Variants in PLCXD3 observed in about 807,000 individuals in gnomAD.
PLCXD3 encodes PI-PLC X domain-containing protein 3.
In PLCXD3, 19 loss-of-function variants were observed where a neutral mutation model predicts 25.5. That is an observed-to-expected ratio of 0.75 (90% CI 0.52 to 1.09). The LOEUF is 1.09. Among genes scored for constraint, PLCXD3 ranks in the 50% least tolerant of loss-of-function variants. The pLI, the probability that PLCXD3 is intolerant of heterozygous loss-of-function variation, is 0.00. For missense variants in PLCXD3, 411 were observed against 388.1 expected (o/e 1.06, Z -0.50); for synonymous variants, 174 against 137.6 (o/e 1.26, Z -1.85).
At chr5:41,487,344 A>G (rs1005393987) in intron 1 of PLCXD3, among the ~76,000 whole-genome samples, 2 of 152,164 alleles carry the variant, frequency 1.3e-5, no homozygotes, top group Non-Finnish European at 2.9e-5. Flanking sequence ...AGCTCACTTG[A>G]CTACTCTTTT....
At chr5:41,506,953 T>G (rs533486376) in intron 1 of PLCXD3, among the ~76,000 whole-genome samples, 12 of 149,914 alleles carry the variant, frequency 8.0e-5, no homozygotes, top group Non-Finnish European at 7.4e-5. Flanking sequence ...TTTGCTACAC[T>G]ATATGAAAAA....
chr5:41,392,340 G>GGA lies in PLCXD3; in HGVS notation c.104-9808_104-9807dup, dbSNP rs567122367. Among the ~76,000 whole-genome samples the GGA allele has an allele frequency of 7.3e-3, 1,095 of 150,368 alleles. 15 individuals are homozygous for GGA. Among genetic ancestry groups the GGA allele is most frequent in the African/African-American group, 0.026 (1,057 of 41,240 alleles). ...TAGGTGGCTCAGAACAGAGAGAGAG[G>GGA]GAGAGAGAGAGAGAAAGAGAGAGAG... On this transcript the variant is annotated intron_variant, in intron 1 of 2. Transcript: ENST00000377801.
At chr5:41,320,113 A>G (rs1311500236) in intron 2 of PLCXD3, among the ~76,000 whole-genome samples, 1 of 152,176 alleles carries the variant, frequency 6.6e-6, no homozygotes, top group African/African-American at 2.4e-5. Flanking sequence ...AAGCCATAAT[A>G]AAAAGTCTCC....
intron 2 of PLCXD3, among the ~76,000 whole-genome samples, chr5:41,371,066 C>A (rs1008825091): frequency 6.6e-6 from 1 of 152,056 alleles, no homozygotes; most frequent in Admixed American, 6.6e-5. Context: ...GAAGAGTTTG[C>A]ATTTTCAGTA....
At chr5:41,440,215 ATTTTTTTTTTTTTTT>A (rs70988846) in intron 1 of PLCXD3, among the ~76,000 whole-genome samples, 21 of 41,078 alleles carry the variant, frequency 5.1e-4, no homozygotes, top group South Asian at 4.2e-3. Flanking sequence ...TAATCTCTCA[ATTTTTTTTTTTTTTT>A]TTTTTTTTTT....
chr5:41,403,398 G>GTTTTTTTTTTTTTTTTGTTTGTTT (rs764950342), intron 1 of PLCXD3, among the ~76,000 whole-genome samples: 17 of 33,976 alleles, frequency 5.0e-4, no homozygotes, highest in Non-Finnish European at 9.1e-4. Flanking sequence ...TGACTTATTT[G>GTTTTTTTTTTTTTTTTGTTTGTTT]TTGTTTTTTT....
chr5:41,468,972 C>T (rs1027796992), intron 1 of PLCXD3, among the ~76,000 whole-genome samples: 2 of 152,132 alleles, frequency 1.3e-5, no homozygotes, highest in East Asian at 1.9e-4. Flanking sequence ...CGAGGAAAAG[C>T]TTTCAAATTT....
chr5:41,408,068 G>A (rs1453855056), intron 1 of PLCXD3, among the ~76,000 whole-genome samples: 3 of 152,146 alleles, frequency 2.0e-5, no homozygotes, highest in Non-Finnish European at 4.4e-5. Flanking sequence ...AGCTGACAAC[G>A]AATCATTTAA....
chr5:41,353,371 G>A (rs975097836), intron 2 of PLCXD3, among the ~76,000 whole-genome samples: 7 of 152,122 alleles, frequency 4.6e-5, no homozygotes, highest in African/African-American at 1.7e-4. Context: ...AACGTGCTGG[G>A]ATTACAGGCG....
At chr5:41,434,340 A>T (rs759433896) in intron 1 of PLCXD3, among the ~76,000 whole-genome samples, 3 of 152,192 alleles carry the variant, frequency 2.0e-5, no homozygotes, top group Non-Finnish European at 2.9e-5. Context: ...ATGTGATGTG[A>T]ACAAAAGCAA....
intron 2 of PLCXD3, among the ~76,000 whole-genome samples, chr5:41,352,038 T>G (rs1226962265): frequency 3.9e-5 from 6 of 152,250 alleles, no homozygotes; most frequent in Non-Finnish European, 7.3e-5. Flanking sequence ...ATTTATTTAC[T>G]GTAGTATTAA....
intron 1 of PLCXD3, among the ~76,000 whole-genome samples, chr5:41,457,570 C>T (rs1311804814): frequency 2.0e-5 from 3 of 151,886 alleles, no homozygotes; most frequent in South Asian, 4.1e-4. Flanking sequence ...GCCTCAGATA[C>T]AATACTGGGA....
intron 2 of PLCXD3, among the ~76,000 whole-genome samples, chr5:41,367,401 CT>C (rs1224587698): frequency 1.3e-5 from 2 of 151,742 alleles, no homozygotes; most frequent in African/African-American, 2.4e-5. Flanking sequence ...TGATGTTGAG[CT>C]TTTTTTTCAA....
chr5:41,445,696 T>C (rs773140414), intron 1 of PLCXD3, among the ~76,000 whole-genome samples: 2 of 152,128 alleles, frequency 1.3e-5, no homozygotes, highest in Non-Finnish European at 2.9e-5. Flanking sequence ...AAAATTACAA[T>C]TCAGAACAAT....
At chr5:41,411,065 A>G (rs1343298331) in intron 1 of PLCXD3, among the ~76,000 whole-genome samples, 2 of 152,098 alleles carry the variant, frequency 1.3e-5, no homozygotes, top group East Asian at 3.9e-4. Context: ...ATATCACTAA[A>G]ACCAACTATT....
intron 1 of PLCXD3, among the ~76,000 whole-genome samples, chr5:41,502,580 G>A (rs1748975944): frequency 6.6e-6 from 1 of 152,148 alleles, no homozygotes; most frequent in African/African-American, 2.4e-5. Flanking sequence ...TCATCTTAGA[G>A]AACAAGAAAT....
intron 1 of PLCXD3, 52 bp downstream of exon 1, chr5:41,510,372 G>A: frequency 6.8e-7 from 1 of 1,464,834 alleles, no homozygotes; most frequent in Non-Finnish European, 9.4e-7. Flanking sequence ...AAGCAGGGCG[G>A]GGCAGGTGGA....
At chr5:41,377,573 GTGTT>G in intron 2 of PLCXD3, among the ~76,000 whole-genome samples, 1 of 152,048 alleles carries the variant, frequency 6.6e-6, no homozygotes, top group Middle Eastern at 3.4e-3. Context: ...GCAAAAACTG[GTGTT>G]TGAAAAAGAA....
intron 2 of PLCXD3, among the ~76,000 whole-genome samples, chr5:41,329,754 T>G (rs970720766): frequency 6.7e-6 from 1 of 150,344 alleles, no homozygotes; most frequent in Non-Finnish European, 1.5e-5. Context: ...TTTATAAGAG[T>G]AAAGTTTATT....
Sources: allele counts gnomAD v4.1 joint callset (sites outside exome capture counted in the v4.1 genomes callset), GRCh38; gene constraint gnomAD v4.1.1; transcripts MANE v1.5; gene names NCBI Gene and HGNC (gene_info 2026-07-23, HGNC 2026-07-21).